The following ROBO2 variants were observed in gnomAD, a reference collection of about 807,000 sequenced individuals.
ROBO2 encodes the protein roundabout homolog 2.
In ROBO2, 53 loss-of-function variants were observed where a neutral mutation model predicts 160.8. That is an observed-to-expected ratio of 0.33 (90% CI 0.26 to 0.41). ROBO2 has a LOEUF of 0.41. Ranked by LOEUF, ROBO2 falls within the 10% of genes least tolerant of loss-of-function variation. The probability of loss-of-function intolerance (pLI) is 1.00; values close to 1 mark genes in which losing one functional copy is unlikely to be tolerated. For synonymous variants in ROBO2, 664 were observed against 611.7 expected (o/e 1.09, Z -1.26); for missense variants, 1,577 against 1,722.4 (o/e 0.92, Z 1.49).
intron 6 of ROBO2, among the ~76,000 whole-genome samples, chr3:77,545,736 C>G (rs2092672969): frequency 6.6e-6 from 1 of 152,054 alleles, no homozygotes; most frequent in Non-Finnish European, 1.5e-5. Context: ...TAGATTGAGT[C>G]AACCATTTCA....
intron 2 of ROBO2, among the ~76,000 whole-genome samples, chr3:76,785,437 T>C (rs3884334): frequency 0.32 from 48,333 of 151,028 alleles, 9,430 homozygotes; most frequent in Non-Finnish European, 0.43. Context: ...TAAAGTATAG[T>C]GGTATGCTAA....
intron 2 of ROBO2, among the ~76,000 whole-genome samples, chr3:77,160,081 T>A (rs1168459867): frequency 6.6e-6 from 1 of 150,708 alleles, no homozygotes; most frequent in Non-Finnish European, 1.5e-5. Flanking sequence ...TACAGATTTG[T>A]ATGTATGCCC....
intron 20 of ROBO2, 125 bp downstream of exon 21, chr3:77,602,616 A>G (rs956458535): frequency 2.1e-5 from 24 of 1,159,020 alleles, no homozygotes; most frequent in Non-Finnish European, 2.7e-5. Context: ...AAAAAAAGAT[A>G]CCAGCATGTT....
chr3:77,339,874 T>G (rs114028796), intron 2 of ROBO2, among the ~76,000 whole-genome samples: 1 of 152,120 alleles, frequency 6.6e-6, no homozygotes, highest in Non-Finnish European at 1.5e-5. Flanking sequence ...TGCCTGAATT[T>G]GCCCTGCTGG....
intron 2 of ROBO2, among the ~76,000 whole-genome samples, chr3:76,420,454 A>G (rs1351422862): frequency 6.6e-6 from 1 of 152,244 alleles, no homozygotes; most frequent in Non-Finnish European, 1.5e-5. Flanking sequence ...ACTTCTGTGT[A>G]AGATGTTAGT....
At chr3:77,437,556 AT>A (rs1490768513) in intron 2 of ROBO2, among the ~76,000 whole-genome samples, 2 of 152,002 alleles carry the variant, frequency 1.3e-5, no homozygotes, top group East Asian at 3.9e-4. Context: ...ATTTTAGTTT[AT>A]TTTTCTTATA....
chr3:77,324,730 C>G (rs946867481), intron 2 of ROBO2, among the ~76,000 whole-genome samples: 2 of 147,314 alleles, frequency 1.4e-5, no homozygotes, highest in African/African-American at 5.0e-5. Context: ...TGCAGTGAGC[C>G]GAGATCGCGC....
intron 5 of ROBO2, among the ~76,000 whole-genome samples, chr3:77,506,183 C>A (rs1044699451): frequency 2.0e-5 from 3 of 152,150 alleles, no homozygotes; most frequent in African/African-American, 7.2e-5. Context: ...TAGTCAATGG[C>A]TGGTGACATT....
intron 2 of ROBO2, among the ~76,000 whole-genome samples, chr3:76,638,030 C>T (rs1053021828): frequency 6.6e-6 from 1 of 152,054 alleles, no homozygotes; most frequent in Non-Finnish European, 1.5e-5. Context: ...TCATAGGGTT[C>T]CTTTTTGTTT....
intron 2 of ROBO2, among the ~76,000 whole-genome samples, chr3:77,019,362 G>T (rs1229967472): frequency 6.6e-6 from 1 of 152,058 alleles, no homozygotes; most frequent in East Asian, 1.9e-4. Context: ...CCATCCATAA[G>T]GCTTCCACCC....
At chr3:76,676,194 A>AG (rs1315484025) in intron 2 of ROBO2, among the ~76,000 whole-genome samples, 2 of 151,768 alleles carry the variant, frequency 1.3e-5, no homozygotes, top group Non-Finnish European at 2.9e-5. Flanking sequence ...GTGTTGGGGG[A>AG]GGGGCCTCTT....
At chr3:76,543,992 T>TTCTA (rs1314141048) in intron 2 of ROBO2, among the ~76,000 whole-genome samples, 1 of 152,086 alleles carries the variant, frequency 6.6e-6, no homozygotes, top group African/African-American at 2.4e-5. Flanking sequence ...CTTCATTTTC[T>TTCTA]TCTAATACTC....
intron 1 of ROBO2, among the ~76,000 whole-genome samples, chr3:77,081,616 C>T (rs147818998): frequency 0.011 from 1,713 of 152,174 alleles, 32 homozygotes; most frequent in African/African-American, 0.038. Flanking sequence ...TGTGTGAGCA[C>T]GAAGAATTTC....
chr3:76,082,648 A>G (rs1439972014), intron 2 of ROBO2, among the ~76,000 whole-genome samples: 1 of 152,116 alleles, frequency 6.6e-6, no homozygotes, highest in African/African-American at 2.4e-5. Flanking sequence ...CACTTTACAT[A>G]GATTGATTTG....
chr3:76,010,783 AGT>A (rs1479015641), intron 2 of ROBO2, among the ~76,000 whole-genome samples: 1 of 152,218 alleles, frequency 6.6e-6, no homozygotes, highest in African/African-American at 2.4e-5. Context: ...GTTGGAGAAA[AGT>A]GTTGAAATGA....
At chr3:77,585,132 A>G (rs935958556) in intron 16 of ROBO2, among the ~76,000 whole-genome samples, 3 of 151,288 alleles carry the variant, frequency 2.0e-5, no homozygotes, top group Non-Finnish European at 4.4e-5. Context: ...TTTTCCTTTC[A>G]TAGTTTTTTT....
chr3:76,928,507 C>T (rs923034356), intron 2 of ROBO2, among the ~76,000 whole-genome samples: 1 of 150,954 alleles, frequency 6.6e-6, no homozygotes, highest in Non-Finnish European at 1.5e-5. Flanking sequence ...AACAGCCTTC[C>T]AATTCCTGCC....
At chr3:76,265,192 T>C (rs146325969) in intron 2 of ROBO2, among the ~76,000 whole-genome samples, 12 of 152,102 alleles carry the variant, frequency 7.9e-5, no homozygotes, top group Admixed American at 4.6e-4. Context: ...GCTTGATCCA[T>C]GTCCCTCAGT....
At chr3:76,490,452 G>C (rs183595090) in intron 2 of ROBO2, among the ~76,000 whole-genome samples, 2 of 152,096 alleles carry the variant, frequency 1.3e-5, no homozygotes, top group African/African-American at 2.4e-5. Flanking sequence ...TCGTTAGTAA[G>C]TTTTAATAGC....
Sources: gnomAD v4.1 joint callset for allele counts (sites outside exome capture counted in the v4.1 genomes callset) on GRCh38, gnomAD v4.1.1 for gene constraint, MANE v1.5 for transcripts, NCBI Gene and HGNC (gene_info 2026-07-23, HGNC 2026-07-21) for gene names.